STK11IP: variants seen among roughly 807,000 people sequenced by gnomAD.
STK11IP encodes serine/threonine-protein kinase 11-interacting protein.
STK11IP carries 103 observed loss-of-function variants against 131.7 expected under a neutral mutation model. That is an observed-to-expected ratio of 0.78 (90% CI 0.67 to 0.92). STK11IP has a LOEUF of 0.92. Ranked by LOEUF, STK11IP falls within the 40% of genes least tolerant of loss-of-function variation. The pLI, the probability that STK11IP is intolerant of heterozygous loss-of-function variation, is 0.00. For missense variants in STK11IP, 1,315 were observed against 1,385.7 expected, an observed-to-expected ratio of 0.95 and a Z score of 0.81; for synonymous variants, 557 against 575.6, an observed-to-expected ratio of 0.97 and a Z score of 0.46.
chr2:219,609,112 C>T lies in STK11IP; in HGVS notation c.1825C>T (p.Pro609Ser), dbSNP rs1237562703. Residue 609 changes from proline (P) to serine (S), a missense_variant, in exon 16 of 25, where the codon CCT becomes TCT. Coordinates refer to ENST00000456909, the MANE Select transcript of STK11IP (RefSeq NM_052902.4). The stretch of plus-strand genomic sequence containing the variant: ...TGCTGCGCAGGGCTCAGATCTGCTC[C>T]CTGGAGCCCCCATCCTCAGTCTGCG... ...SPRPTGSDLL[P>S]GAPILSLRFS... 2 of 1,601,654 alleles carry T rather than the reference C, an allele frequency of 1.2e-6. No homozygotes were observed. The highest frequency in any genetic ancestry group is 1.7e-6 in the Non-Finnish European group (2 of 1,174,288).
rs73089157 is a variant in STK11IP, at chr2:219,615,311, T to C, written c.3087T>C (p.Pro1029=). Residue 1029 remains proline (P), a synonymous_variant, in exon 24 of 25, where the codon CCT becomes CCC. Transcript: ENST00000456909. ...LSSVLLYRSA[P]EDLRLLFYDE... The stretch of plus-strand genomic sequence containing the variant: ...CCGTGCTGCTCTACCGCTCAGCCCC[T>C]GAGGACTTGCGGCTGCTCTTCTACG... 2.2e-3 allele frequency: 3,495 copies of C among 1,602,604 alleles called. 62 individuals are homozygous for C. The African/African-American group carries it at 0.041, about 19-fold the overall frequency.
rs750032029 is a variant in STK11IP at position 219,597,882 on chromosome 2, C to G, written c.-68C>G. ...ACTTCCTTTCCATCATTGATAGGCG[C>G]CGGGCAGCTGAGCTGGTAGGAGGAC... On this transcript the variant is annotated 5_prime_UTR_variant, in exon 1 of 25. Transcript: ENST00000456909. 6.2e-7 allele frequency: 1 copy of G among 1,607,546 alleles called. No homozygotes were observed. Among genetic ancestry groups the G allele is most frequent in the Admixed American group, 1.7e-5 (1 of 59,026 alleles).
chr2:219,605,181 G>T (rs912625566), intron 7 of STK11IP, among the ~76,000 whole-genome samples: 1 of 152,166 alleles, frequency 6.6e-6, no homozygotes, highest in African/African-American at 2.4e-5. Context: ...GAATGGTAGG[G>T]CCTTGAGCAG....
intron 13 of STK11IP, 44 bp from the exon 14 acceptor site, chr2:219,608,003 G>C (rs1187242419): frequency 2.5e-6 from 4 of 1,580,642 alleles, no homozygotes; most frequent in Non-Finnish European, 3.4e-6. Flanking sequence ...GGGGCCATCT[G>C]TGTGGGGCAG....
intron 19 of STK11IP, among the ~76,000 whole-genome samples, chr2:219,612,575 G>A (rs60072284): frequency 0.012 from 1,841 of 152,352 alleles, 32 homozygotes; most frequent in African/African-American, 0.042. Flanking sequence ...TCTAAGCTCA[G>A]TCTTGAAGGG....
In STK11IP at chr2:219,608,034, C is replaced by G. The variant is rs900600217; in HGVS notation, c.1220-13C>G. ...GGCAGGCTTGCTCAGTTCTGGGTTC[C>G]CCTCCTGCCTAGGATGGTTCGTGCA... On this transcript the variant is annotated splice_polypyrimidine_tract_variant and intron_variant, in intron 13 of 24. Coordinates refer to ENST00000456909, the MANE Select transcript of STK11IP (RefSeq NM_052902.4). 7 of 1,605,590 alleles carry G rather than the reference C, an allele frequency of 4.4e-6. No homozygotes were observed. The Admixed American group carries it at 1.2e-4, about 27-fold the overall frequency.
At chr2:219,603,243 T>C (rs1456194261) in intron 7 of STK11IP, among the ~76,000 whole-genome samples, 1 of 152,094 alleles carries the variant, frequency 6.6e-6, no homozygotes, top group African/African-American at 2.4e-5. Context: ...GGTTTCACCA[T>C]GTTGGTCAGG....
chr2:219,606,363 C>T, intron 10 of STK11IP, 73 bp downstream of exon 10: 1 of 1,542,304 alleles, frequency 6.5e-7, no homozygotes, highest in Non-Finnish European at 8.8e-7. Context: ...ACCCTCTTGC[C>T]ATCCCTGGGT....
intron 17 of STK11IP, among the ~76,000 whole-genome samples, chr2:219,610,694 C>T (rs1230732970): frequency 2.6e-5 from 4 of 152,176 alleles, no homozygotes; most frequent in African/African-American, 4.8e-5. Context: ...CCACCACGCC[C>T]GGCCAACCAT....
intron 2 of STK11IP, among the ~76,000 whole-genome samples, chr2:219,599,502 G>C (rs1697908403): frequency 6.6e-6 from 1 of 152,204 alleles, no homozygotes; most frequent in South Asian, 2.1e-4. Context: ...CTTGAACCAT[G>C]TCTGTATCTA....
At chr2:219,599,796 T>G (rs1438939859) in intron 2 of STK11IP, among the ~76,000 whole-genome samples, 1 of 149,896 alleles carries the variant, frequency 6.7e-6, no homozygotes. Flanking sequence ...TGCAGTGGTA[T>G]GATCTCGGCT....
Position 219,611,722 on chromosome 2 carries a change from T to C in STK11IP, c.2223T>C (p.Ser741=). Reference sequence around the variant, plus strand: ...AGCAGTCTCTGGCTCCTTCTCCGTCTGCCAGCCCTGTCTGCCACCCTCCTG... The same window carrying C: ...AGCAGTCTCTGGCTCCTTCTCCGTCCGCCAGCCCTGTCTGCCACCCTCCTG... ...QGEQSLAPSP[S]ASPVCHPPGH... Residue 741 remains serine, a synonymous_variant, in exon 18 of 25, where the codon TCT becomes TCC. Coordinates refer to ENST00000456909, the MANE Select transcript of STK11IP (RefSeq NM_052902.4). 6.2e-7 allele frequency: 1 copy of C among 1,613,050 alleles called. No homozygotes were observed. Among genetic ancestry groups the C allele is most frequent in the East Asian group, 2.2e-5 (1 of 44,876 alleles).
intron 24 of STK11IP, chr2:219,615,596 C>A (rs568711282): frequency 9.1e-6 from 6 of 658,658 alleles, no homozygotes; most frequent in South Asian, 6.7e-5. Context: ...ACGAGGCTTT[C>A]AGTGAGGTTT....
At chr2:219,604,724 C>T (rs1436231358) in intron 7 of STK11IP, among the ~76,000 whole-genome samples, 3 of 151,990 alleles carry the variant, frequency 2.0e-5, no homozygotes, top group Non-Finnish European at 4.4e-5. Flanking sequence ...TGGATTTCTT[C>T]GTTTGTAGTT....
In STK11IP at chr2:219,608,736, A is replaced by T. The variant is rs763625414; in HGVS notation, c.1757A>T (p.Glu586Val). 4 of 1,612,518 alleles carry T rather than the reference A, an allele frequency of 2.5e-6. No homozygotes were observed. The highest frequency in any genetic ancestry group is 3.3e-4 in the Middle Eastern group (2 of 5,974). ...TLERLELQSL[E>V]AAEIEPEAQA... Reference sequence around the variant, plus strand: ...GAGCGACTGGAGCTCCAGAGTCTGGAGGCAGCTGAGATAGAGCCGGAGGCC... The same window carrying T: ...GAGCGACTGGAGCTCCAGAGTCTGGTGGCAGCTGAGATAGAGCCGGAGGCC... Residue 586 changes from glutamate to valine, a missense_variant, in exon 15 of 25, where the codon GAG (glutamate) becomes GTG (valine). Coordinates refer to ENST00000456909, the MANE Select transcript of STK11IP (RefSeq NM_052902.4).
chr2:219,601,032 T>C (rs538324126), intron 2 of STK11IP, among the ~76,000 whole-genome samples: 6 of 152,340 alleles, frequency 3.9e-5, no homozygotes, highest in African/African-American at 1.4e-4. Context: ...CTCATCAGGC[T>C]GAATGAAATG....
At position 219,610,302 on chromosome 2, in the gene STK11IP, G is replaced by A. The variant is rs1223290691; in HGVS notation, c.2104+762G>A. On this transcript the variant is annotated intron_variant, in intron 17 of 24. Transcript: ENST00000456909. ...ACAGAAACAGCCCCCAGCCCCTCCC[G>A]GACCCTGGCTGTACACCATGAGGTG... is the stretch of plus-strand genomic sequence containing the variant. Among the ~76,000 whole-genome samples, 6 of 152,198 alleles carry A rather than the reference G, an allele frequency of 3.9e-5. 1 individual carries two copies. Among genetic ancestry groups the A allele is most frequent in the South Asian group, 4.1e-4 (2 of 4,832 alleles).
rs778658741 is a variant in STK11IP, at chr2:219,605,966, G to A, written c.756G>A (p.Gln252=). The change falls in exon 9 of 25, where the codon CAG becomes CAA. Residue 252 remains glutamine, a synonymous_variant. Transcript: ENST00000456909. ...NELRSLHGLE[Q]LRNLRHLDLA... Reference sequence around the variant, plus strand: ...TTGCGTCCACCCCAGGCCTAGAGCAGCTGAGGAATCTGCGGCACCTGGATT... The same window carrying A: ...TTGCGTCCACCCCAGGCCTAGAGCAACTGAGGAATCTGCGGCACCTGGATT... The A allele has an allele frequency of 1.0e-5, 16 of 1,604,676 alleles. No individual in the cohort carries two copies. The highest frequency in any genetic ancestry group is 1.3e-5 in the African/African-American group (1 of 74,792).
At chr2:219,600,763 A>C (rs1025072221) in intron 2 of STK11IP, among the ~76,000 whole-genome samples, 1 of 152,220 alleles carries the variant, frequency 6.6e-6, no homozygotes, top group African/African-American at 2.4e-5. Flanking sequence ...TCAGAAAAAG[A>C]AAGAAAGATA....
Sources: gnomAD v4.1 joint callset for allele counts (sites outside exome capture counted in the v4.1 genomes callset) on GRCh38, gnomAD v4.1.1 for gene constraint, MANE v1.5 for transcripts, NCBI Gene and HGNC (gene_info 2026-07-23, HGNC 2026-07-21) for gene names.